VMP1: variants seen among roughly 807,000 people sequenced by gnomAD.
VMP1 encodes the protein vacuole membrane protein 1.
A neutral mutation model predicts 56.0 loss-of-function variants in VMP1; 11 were observed. The observed-to-expected ratio is 0.20, with a 90% CI of 0.12 to 0.32. The LOEUF is 0.32. VMP1 is among the 10% of genes least tolerant of loss of function. VMP1 has a pLI of 1.00. For synonymous variants in VMP1, 149 were observed against 165.0 expected, an observed-to-expected ratio of 0.90 and a Z score of 0.74; for missense variants, 296 against 490.3, an observed-to-expected ratio of 0.60 and a Z score of 3.74.
intron 5 of VMP1, among the ~76,000 whole-genome samples, chr17:59,751,744 CAAAAAAAAAA>C (rs932086949): frequency 7.0e-5 from 3 of 42,592 alleles, no homozygotes; most frequent in South Asian, 2.0e-3. Flanking sequence ...AACTCCGTCT[CAAAAAAAAAA>C]AAAAAAAAAA....
Position 59,802,974 on chromosome 17 carries a change from G to A in VMP1, c.715-5822G>A, listed in dbSNP as rs144788975. 2.6e-5 allele frequency among the ~76,000 whole-genome samples: 4 copies of A among 152,276 alleles called. No homozygotes were observed. The East Asian group carries it at 7.7e-4, about 29-fold the overall frequency. On this transcript the variant is annotated intron_variant, in intron 7 of 11. Coordinates refer to ENST00000262291, the MANE Select transcript of VMP1 (RefSeq NM_030938.5). ...TTGGTCAGCCTGGTCTGGAACTCCTGACCTCTGGTGATCCACCCGCCTTGG... is the reference window on the plus strand; with the variant it reads ...TTGGTCAGCCTGGTCTGGAACTCCTAACCTCTGGTGATCCACCCGCCTTGG...
At chr17:59,785,274 G>T (rs2036968395) in intron 7 of VMP1, among the ~76,000 whole-genome samples, 1 of 152,196 alleles carries the variant, frequency 6.6e-6, no homozygotes, top group African/African-American at 2.4e-5. Context: ...TTCTCACAGT[G>T]TTAGGTTGCT....
intron 5 of VMP1, among the ~76,000 whole-genome samples, chr17:59,754,336 T>G (rs1026934363): frequency 6.6e-6 from 1 of 152,246 alleles, no homozygotes; most frequent in Non-Finnish European, 1.5e-5. Context: ...TATAGACATT[T>G]CTGATACTTT....
chr17:59,724,516 A>C (rs9893655), intron 1 of VMP1, among the ~76,000 whole-genome samples: 7,531 of 152,120 alleles, frequency 0.05, 607 homozygotes, highest in African/African-American at 0.17. Context: ...CCCCATCTCT[A>C]TAAAAATTAG....
At chr17:59,811,474 G>A (rs2038049341) in intron 8 of VMP1, among the ~76,000 whole-genome samples, 196 bp from the exon 9 acceptor site, 2 of 152,200 alleles carry the variant, frequency 1.3e-5, no homozygotes. Flanking sequence ...CACCTAAGGT[G>A]AATATGAGAC....
intron 1 of VMP1, among the ~76,000 whole-genome samples, chr17:59,717,812 C>T (rs542489198): frequency 1.3e-5 from 2 of 152,180 alleles, no homozygotes; most frequent in South Asian, 4.2e-4. Context: ...CCCAACTACT[C>T]CAGAGGCTGA....
chr17:59,749,200 G>A (rs988191469), intron 5 of VMP1, among the ~76,000 whole-genome samples: 5 of 150,822 alleles, frequency 3.3e-5, no homozygotes, highest in South Asian at 2.1e-4. Flanking sequence ...CTCGCGATCC[G>A]CCTACCTCAG....
intron 1 of VMP1, among the ~76,000 whole-genome samples, chr17:59,710,196 CA>C (rs542057506): frequency 3.5e-5 from 5 of 144,310 alleles, no homozygotes; most frequent in South Asian, 2.2e-4. Flanking sequence ...GACTCCGTCT[CA>C]AAAAAAAAAG....
chr17:59,771,160 T>G (rs1467679708), intron 6 of VMP1, among the ~76,000 whole-genome samples: 1 of 130,618 alleles, frequency 7.7e-6, no homozygotes. Flanking sequence ...CCCAGTTACA[T>G]TACACCTTTT....
chr17:59,748,118 C>T (rs569180578), intron 5 of VMP1, among the ~76,000 whole-genome samples: 2 of 150,026 alleles, frequency 1.3e-5, no homozygotes, highest in African/African-American at 5.0e-5. Flanking sequence ...ATGGCGTGAA[C>T]CCAGGAGGCG....
intron 7 of VMP1, among the ~76,000 whole-genome samples, chr17:59,775,392 G>A (rs2036585254): frequency 6.6e-6 from 1 of 152,152 alleles, no homozygotes; most frequent in East Asian, 1.9e-4. Flanking sequence ...TCCAGCCTGG[G>A]TGACAGAATG....
intron 10 of VMP1, among the ~76,000 whole-genome samples, chr17:59,832,888 G>A (rs2038863190): frequency 6.6e-6 from 1 of 150,788 alleles, no homozygotes; most frequent in East Asian, 2.0e-4. Flanking sequence ...TGTGATTACA[G>A]GCATGAACCA....
chr17:59,736,449 C>T (rs1397428008), intron 3 of VMP1, among the ~76,000 whole-genome samples: 2 of 151,080 alleles, frequency 1.3e-5, no homozygotes, highest in African/African-American at 4.9e-5. Flanking sequence ...GCCTGTAATC[C>T]CAGCTACTCA....
At chr17:59,751,603 G>A (rs139779337) in intron 5 of VMP1, among the ~76,000 whole-genome samples, 38,225 of 149,438 alleles carry the variant, frequency 0.26, 5,230 homozygotes, top group East Asian at 0.43. Flanking sequence ...TTAGCTGGGC[G>A]TGGTGGGGGG....
chr17:59,764,646 G>A (rs949611401), intron 5 of VMP1, among the ~76,000 whole-genome samples: 1 of 152,076 alleles, frequency 6.6e-6, no homozygotes, highest in Non-Finnish European at 1.5e-5. Flanking sequence ...TTGCAGTAAT[G>A]GAAATGTTCT....
intron 7 of VMP1, among the ~76,000 whole-genome samples, chr17:59,792,917 G>A (rs2037296070): frequency 1.8e-5 from 1 of 56,222 alleles, no homozygotes; most frequent in African/African-American, 3.6e-5. Context: ...GGGCATGGTG[G>A]CTTATGCCTG....
intron 5 of VMP1, among the ~76,000 whole-genome samples, chr17:59,763,595 T>C (rs1389939695): frequency 1.3e-5 from 2 of 152,162 alleles, no homozygotes; most frequent in Non-Finnish European, 2.9e-5. Context: ...ATATCACATA[T>C]GTGTGAACAA....
chr17:59,823,204 C>A (rs903399965), intron 10 of VMP1, among the ~76,000 whole-genome samples: 1 of 152,168 alleles, frequency 6.6e-6, no homozygotes, highest in African/African-American at 2.4e-5. Context: ...AATCCCAGCA[C>A]TTTGGGAGGC....
At chr17:59,785,058 T>C (rs1043681637) in intron 7 of VMP1, 5 of 152,198 alleles carry the variant, frequency 3.3e-5, no homozygotes, top group African/African-American at 1.2e-4. Flanking sequence ...TAAAAGAACT[T>C]ATTTGCATGA....
Sources: allele counts gnomAD v4.1 joint callset (sites outside exome capture counted in the v4.1 genomes callset), GRCh38; gene constraint gnomAD v4.1.1; transcripts MANE v1.5; gene names NCBI Gene and HGNC (gene_info 2026-07-23, HGNC 2026-07-21).